NR4A1: variants seen among roughly 807,000 people sequenced by gnomAD.
NR4A1 encodes nuclear receptor subfamily 4 group A member 1.
In NR4A1, 24 loss-of-function variants were observed where a neutral mutation model predicts 47.5. That is an observed-to-expected ratio of 0.50 (90% CI 0.37 to 0.71). The LOEUF (loss-of-function observed/expected upper bound fraction) is 0.71, where lower values mean the gene tolerates loss of function less well. Among genes scored for constraint, NR4A1 ranks in the 30% least tolerant of loss-of-function variants. NR4A1 has a pLI of 0.00. For synonymous variants in NR4A1, 353 were observed against 345.7 expected (o/e 1.02, Z -0.24); for missense variants, 669 against 788.6 (o/e 0.85, Z 1.82).
chr12:52,051,444 T>A lies in NR4A1; in HGVS notation c.-127T>A. 1.0e-6 allele frequency: 1 copy of A among 985,048 alleles called. No homozygotes were observed. The highest frequency in any genetic ancestry group is 1.7e-5 in the African/African-American group (1 of 57,172). The allele number at this position is 985,048 out of a possible 1,614,324, so 61.0% of individuals were successfully genotyped here. ...AGGAGGGTCGGGCTCGGCCGGGGAG[T>A]CCCAGTGGCGGAGGCTACGAAACTT... On this transcript the variant is annotated 5_prime_UTR_variant, in exon 1 of 7. Coordinates refer to ENST00000394825, the MANE Select transcript of NR4A1 (RefSeq NM_173157.3).
chr12:52,023,165 T>C (rs893513144), intron 1 of NR4A1, among the ~76,000 whole-genome samples: 1 of 152,022 alleles, frequency 6.6e-6, no homozygotes, highest in African/African-American at 2.4e-5. Context: ...CAGGTGGAGG[T>C]GCTGGGGGTT....
chr12:52,033,661 C>G (rs1938179197), intron 1 of NR4A1, among the ~76,000 whole-genome samples: 1 of 152,204 alleles, frequency 6.6e-6, no homozygotes, highest in South Asian at 2.1e-4. Context: ...GAGTGTAACC[C>G]CATCTGGGCG....
intron 1 of NR4A1, among the ~76,000 whole-genome samples, chr12:52,023,173 G>A (rs1185984329): frequency 1.3e-5 from 2 of 152,246 alleles, no homozygotes; most frequent in Admixed American, 1.3e-4. Context: ...GGTGCTGGGG[G>A]TTGGAGCCCC....
chr12:52,049,964 C>G (rs1032004097), upstream of NR4A1, among the ~76,000 whole-genome samples: 4 of 151,966 alleles, frequency 2.6e-5, no homozygotes, highest in South Asian at 4.2e-4. Context: ...ATGGGGTGAC[C>G]AGATGAGTTG....
intron 6 of NR4A1, 130 bp downstream of exon 6, chr12:52,057,660 G>A (rs756544397): frequency 6.0e-6 from 6 of 1,006,586 alleles, no homozygotes; most frequent in Admixed American, 2.6e-5. Flanking sequence ...GCACTGCCCC[G>A]GGCTCATGCC....
intron 2 of NR4A1, among the ~76,000 whole-genome samples, chr12:52,044,372 G>GA (rs1938551609): frequency 6.6e-6 from 1 of 152,170 alleles, no homozygotes; most frequent in Admixed American, 6.5e-5. Flanking sequence ...CCGGGCCCTT[G>GA]CCCGGCCTCC....
At chr12:52,033,826 A>G (rs1281448488) in intron 1 of NR4A1, among the ~76,000 whole-genome samples, 1 of 152,212 alleles carries the variant, frequency 6.6e-6, no homozygotes, top group African/African-American at 2.4e-5. Context: ...GAAGGAAACC[A>G]TGAAGGGAAT....
chr12:52,024,873 T>A (rs1313562198), intron 1 of NR4A1, among the ~76,000 whole-genome samples: 1 of 152,156 alleles, frequency 6.6e-6, no homozygotes, highest in African/African-American at 2.4e-5. Flanking sequence ...AGTTTCCTCC[T>A]TTGCAAAATG....
intron 2 of NR4A1, among the ~76,000 whole-genome samples, chr12:52,045,819 G>A (rs949839526): frequency 2.0e-5 from 3 of 152,234 alleles, no homozygotes; most frequent in Non-Finnish European, 1.5e-5. Context: ...GCTTGGGCAA[G>A]GGCCAGGAGA....
chr12:52,056,671 T>C (rs757345707), intron 4 of NR4A1, 26 bp downstream of exon 4: 4 of 1,537,400 alleles, frequency 2.6e-6, no homozygotes, highest in Middle Eastern at 1.7e-4. Context: ...GTGTCTGCCT[T>C]GGGGAGGTCT....
intron 1 of NR4A1, among the ~76,000 whole-genome samples, chr12:52,025,236 T>C (rs1397746391): frequency 1.3e-5 from 2 of 152,124 alleles, no homozygotes; most frequent in African/African-American, 4.8e-5. Flanking sequence ...ATTTGTCATA[T>C]TTTTAGTAGA....
At chr12:52,056,226 C>T (rs1299808940) in intron 3 of NR4A1, 67 bp downstream of exon 3, 4 of 1,517,234 alleles carry the variant, frequency 2.6e-6, no homozygotes, top group Non-Finnish European at 3.5e-6. Context: ...CAGCAGGGCC[C>T]CCAGGCTTCT....
intron 2 of NR4A1, 158 bp from the exon 3 acceptor site, chr12:52,055,872 T>A: frequency 7.4e-6 from 2 of 271,924 alleles, no homozygotes; most frequent in Non-Finnish European, 1.3e-5. Context: ...CCCAACCCCG[T>A]CTCTCCCTCC....
chr12:52,050,314 G>A (rs567661133), upstream of NR4A1, among the ~76,000 whole-genome samples: 2 of 152,306 alleles, frequency 1.3e-5, no homozygotes, highest in Non-Finnish European at 2.9e-5. Context: ...TAGGCTGGGA[G>A]GGCCGGTGCT....
At chr12:52,057,670 C>G (rs1939347968) in intron 6 of NR4A1, 140 bp downstream of exon 6, 1 of 925,538 alleles carries the variant, frequency 1.1e-6, no homozygotes, top group Non-Finnish European at 1.6e-6. Flanking sequence ...GGGCTCATGC[C>G]AGCAGTAAAG....
At position 52,055,834 on chromosome 12, in the gene NR4A1, A is replaced by G. The variant is rs564557175; in HGVS notation, c.877-196A>G. 2.6e-4 allele frequency: 117 copies of G among 458,386 alleles called. 2 individuals carry two copies. The East Asian group carries it at 3.9e-3, about 15-fold the overall frequency. 28.4% of individuals were successfully genotyped at this position (458,386 alleles called of 1,614,324 possible). A position where few individuals can be genotyped will look rare whatever the true frequency, so the allele number is the denominator to read the frequency against. ...TCCTCAGAGCGAGAAACCTCCCCCA[A>G]TGTCTTCAAGACTTTTCTCTCCCCC... On this transcript the variant is annotated intron_variant, in intron 2 of 6. Transcript: ENST00000394825.
At chr12:52,049,353 C>G (rs1489572394), upstream of NR4A1, among the ~76,000 whole-genome samples, 1 of 152,174 alleles carries the variant, frequency 6.6e-6, no homozygotes, top group Non-Finnish European at 1.5e-5. Flanking sequence ...GAAGACTGCT[C>G]CATCTGTGGT....
chr12:52,042,026 G>A, intron 2 of NR4A1: 2 of 1,219,948 alleles, frequency 1.6e-6, no homozygotes, highest in Non-Finnish European at 1.0e-6. Context: ...TGTGGTTAGG[G>A]GGATGGAGGG....
At chr12:52,030,555 A>C (rs1024709806) in intron 1 of NR4A1, among the ~76,000 whole-genome samples, 1 of 152,100 alleles carries the variant, frequency 6.6e-6, no homozygotes, top group Non-Finnish European at 1.5e-5. Flanking sequence ...CAGCCTCCTG[A>C]GTAGCTGGGA....
Sources: allele counts gnomAD v4.1 joint callset (sites outside exome capture counted in the v4.1 genomes callset), GRCh38; gene constraint gnomAD v4.1.1; transcripts MANE v1.5; gene names NCBI Gene and HGNC (gene_info 2026-07-23, HGNC 2026-07-21).